The following ATP13A4 variants were observed in gnomAD, a reference collection of about 807,000 sequenced individuals.
ATP13A4 encodes probable cation-transporting ATPase 13A4.
In ATP13A4, 114 loss-of-function variants were observed where a neutral mutation model predicts 142.5. The ratio of observed to expected loss-of-function variants is 0.80; its 90% CI spans 0.69 to 0.93. The LOEUF (loss-of-function observed/expected upper bound fraction) is 0.93, where lower values mean the gene tolerates loss of function less well. Ranked by LOEUF, ATP13A4 falls within the 40% of genes least tolerant of loss-of-function variation. The pLI, the probability that ATP13A4 is intolerant of heterozygous loss-of-function variation, is 0.00. For missense variants in ATP13A4, 1,392 were observed against 1,454.0 expected (o/e 0.96, Z 0.69); for synonymous variants, 488 against 514.8 (o/e 0.95, Z 0.70).
At chr3:193,527,025 G>A (rs560990219) in intron 1 of ATP13A4, among the ~76,000 whole-genome samples, 39 of 152,318 alleles carry the variant, frequency 2.6e-4, no homozygotes, top group Non-Finnish European at 3.4e-4. Flanking sequence ...GGTCATATGA[G>A]TCCTTGGACC....
upstream of ATP13A4, among the ~76,000 whole-genome samples, chr3:193,559,867 G>C (rs561808567): frequency 6.6e-6 from 1 of 152,300 alleles, no homozygotes; most frequent in South Asian, 2.1e-4. Flanking sequence ...GCTTACCTCA[G>C]TTGACAGCTG....
chr3:193,485,895 T>C (rs367907610), intron 7 of ATP13A4, among the ~76,000 whole-genome samples: 24 of 140,796 alleles, frequency 1.7e-4, no homozygotes, highest in African/African-American at 6.1e-4. Flanking sequence ...CCTCCATAAC[T>C]AAAGAAATAA....
intron 1 of ATP13A4, among the ~76,000 whole-genome samples, chr3:193,521,824 T>C (rs1172719188): frequency 6.6e-6 from 1 of 151,996 alleles, no homozygotes; most frequent in Non-Finnish European, 1.5e-5. Context: ...TCCCAGCCAC[T>C]TGGGAGGCTG....
intron 3 of ATP13A4, among the ~76,000 whole-genome samples, chr3:193,497,468 A>T (rs1720309702): frequency 6.6e-6 from 1 of 152,214 alleles, no homozygotes; most frequent in Non-Finnish European, 1.5e-5. Flanking sequence ...ACTGTTAGTG[A>T]GACTATAAAT....
intron 7 of ATP13A4, among the ~76,000 whole-genome samples, chr3:193,484,763 G>A (rs1019869138): frequency 2.6e-4 from 39 of 152,080 alleles, no homozygotes; most frequent in African/African-American, 9.2e-4. Context: ...TAATATTTCA[G>A]GAATAGAATG....
chr3:193,494,186 A>C (rs1051979881), intron 3 of ATP13A4, among the ~76,000 whole-genome samples: 1 of 152,052 alleles, frequency 6.6e-6, no homozygotes, highest in Non-Finnish European at 1.5e-5. Context: ...ATAGTAAAAA[A>C]TTTCAACACC....
chr3:193,581,326 ACAAT>A lies in ATP13A4; in HGVS notation n.291+377_291+380del, dbSNP rs1183070398. 9.8e-5 allele frequency among the ~76,000 whole-genome samples: 15 copies of A among 152,318 alleles called. No individual in the cohort carries two copies. The East Asian group carries it at 2.9e-3, about 29-fold the overall frequency. ...TTTTCCATCACTTTCTTAAGATTAGACAATCAACGAAAAACAAATCAAGCCCTGA... is the reference window on the plus strand; with the variant it reads ...TTTTCCATCACTTTCTTAAGATTAGACAACGAAAAACAAATCAAGCCCTGA... On this transcript the variant is annotated intron_variant and non_coding_transcript_variant, in intron 2 of 3. Transcript: ENST00000489140.
intron 29 of ATP13A4, among the ~76,000 whole-genome samples, chr3:193,404,360 G>T (rs111481662): frequency 6.2e-4 from 94 of 152,222 alleles, no homozygotes; most frequent in African/African-American, 2.2e-3. Flanking sequence ...GTATCACCTT[G>T]CTGCTCTGGA....
intron 13 of ATP13A4, among the ~76,000 whole-genome samples, chr3:193,461,156 T>C (rs1054650417): frequency 1.3e-5 from 2 of 152,212 alleles, no homozygotes; most frequent in African/African-American, 4.8e-5. Flanking sequence ...ATTATATTAA[T>C]TGTTATTCCT....
intron 23 of ATP13A4, among the ~76,000 whole-genome samples, chr3:193,437,122 A>C (rs1337455788): frequency 6.7e-6 from 1 of 150,100 alleles, no homozygotes; most frequent in Non-Finnish European, 1.5e-5. Context: ...AAAAAAAAAA[A>C]CCTGATCCTC....
Position 193,433,835 on chromosome 3 carries a change from A to C in ATP13A4, c.2842+10T>G, listed in dbSNP as rs764431680. 1.2e-6 allele frequency: 2 copies of C among 1,609,540 alleles called. No individual in the cohort carries two copies. Among genetic ancestry groups the C allele is most frequent in the Non-Finnish European group, 1.7e-6 (2 of 1,175,848 alleles). On this transcript the variant is annotated intron_variant, in intron 25 of 29. Coordinates refer to ENST00000342695, the MANE Select transcript of ATP13A4 (RefSeq NM_032279.4). ...AGCACCTCTGGTAAGAAAGTTTTAA[A>C]ATGTCTTACTTGTTACACCAATAAG...
intron 5 of ATP13A4, among the ~76,000 whole-genome samples, 160 bp downstream of exon 5, chr3:193,492,757 T>C (rs1177104343): frequency 1.3e-5 from 2 of 152,186 alleles, no homozygotes; most frequent in East Asian, 1.9e-4. Flanking sequence ...GTGAAGATGA[T>C]GTAATATAAT....
At chr3:193,506,668 C>T (rs1720877951) in intron 2 of ATP13A4, among the ~76,000 whole-genome samples, 1 of 152,100 alleles carries the variant, frequency 6.6e-6, no homozygotes, top group African/African-American at 2.4e-5. Context: ...GGGAGGGACC[C>T]AGTGGGGGGT....
intron 2 of ATP13A4, among the ~76,000 whole-genome samples, chr3:193,566,947 T>C (rs968926545): frequency 2.0e-5 from 3 of 152,348 alleles, no homozygotes; most frequent in African/African-American, 7.2e-5. Flanking sequence ...CAAACACTGT[T>C]GTTAACTCAT....
intron 8 of ATP13A4, among the ~76,000 whole-genome samples, chr3:193,476,182 A>AC (rs962495515): frequency 1.3e-5 from 2 of 152,110 alleles, no homozygotes; most frequent in Admixed American, 1.3e-4. Flanking sequence ...AGACCTAGAA[A>AC]CAATGACTAA....
chr3:193,451,045 C>A (rs62285721), intron 17 of ATP13A4, among the ~76,000 whole-genome samples: 21,617 of 152,182 alleles, frequency 0.14, 1,845 homozygotes, highest in South Asian at 0.21. Context: ...TCCTGTCCAG[C>A]CGGCTGTTAC....
Position 193,412,240 on chromosome 3 carries a change from C to G in ATP13A4, c.3146G>C (p.Cys1049Ser). The G allele has an allele frequency of 6.2e-7, 1 of 1,613,456 alleles. No individual in the cohort carries two copies. Among genetic ancestry groups the G allele is most frequent in the Non-Finnish European group, 8.5e-7 (1 of 1,179,416 alleles). ...TTVWFLGTINCITVALVFSKG... is the reference protein window; with the variant it reads ...TTVWFLGTINSITVALVFSKG... ...AGAGAACACAAGAGCCACAGTGATA[C>G]AGTTGATTGTTCCCAAGAACCAGAC... is the stretch of plus-strand genomic sequence containing the variant. The change falls in exon 27 of 30, where the codon TGT becomes TCT. Residue 1049 changes from cysteine to serine, a missense_variant. Physicochemically the swap from Cys to Ser is moderately radical, Grantham distance 112. Transcript: ENST00000342695.
In ATP13A4 at chr3:193,554,836, G is replaced by C. The variant is rs200003267; in HGVS notation, c.-37C>G. On this transcript the variant is annotated 5_prime_UTR_variant, in exon 1 of 30. Coordinates refer to ENST00000342695, the MANE Select transcript of ATP13A4 (RefSeq NM_032279.4). ...TCCACACCTCCTCCCTGACCTTGTC[G>C]TGCAGACGCTTCCAGGATGAACTCC... is the stretch of plus-strand genomic sequence containing the variant. 6.2e-7 allele frequency: 1 copy of C among 1,613,758 alleles called. No individual in the cohort carries two copies. The highest frequency in any genetic ancestry group is 2.2e-5 in the East Asian group (1 of 44,866).
chr3:193,450,972 T>G (rs1228307905), intron 17 of ATP13A4, among the ~76,000 whole-genome samples: 1 of 152,242 alleles, frequency 6.6e-6, no homozygotes, highest in Non-Finnish European at 1.5e-5. Context: ...CACTGGAGTA[T>G]AGGAAGGCAG....
Sources: gnomAD v4.1 joint callset for allele counts (sites outside exome capture counted in the v4.1 genomes callset) on GRCh38, gnomAD v4.1.1 for gene constraint, MANE v1.5 for transcripts, NCBI Gene and HGNC (gene_info 2026-07-23, HGNC 2026-07-21) for gene names.